The following SETD1A variants were observed in gnomAD, a reference collection of about 807,000 sequenced individuals.
SETD1A encodes the protein SET domain containing 1A, histone lysine methyltransferase.
Under a neutral mutation model 149.9 loss-of-function variants are expected in SETD1A, and 29 were observed. The observed-to-expected ratio is 0.19, with a 90% CI of 0.14 to 0.26. The LOEUF is 0.26. SETD1A is among the 10% of genes least tolerant of loss of function. SETD1A has a pLI of 1.00. For missense variants in SETD1A, 2,109 were observed against 2,353.1 expected (o/e 0.90, Z 2.15); for synonymous variants, 1,141 against 968.5 (o/e 1.18, Z -3.31).
intron 3 of SETD1A, among the ~76,000 whole-genome samples, chr16:30,960,116 C>T (rs112190455): frequency 0.068 from 10,394 of 152,104 alleles, 484 homozygotes; most frequent in Non-Finnish European, 0.11. Context: ...ATTCTCATTG[C>T]CACTTAATGT....
In SETD1A at chr16:30,971,665, G is replaced by A; in HGVS notation, c.3304G>A (p.Gly1102Ser). The change falls in exon 13 of 19, where the codon GGC becomes AGC. Residue 1102 changes from glycine (G) to serine (S), a missense_variant. Gly to Ser is a moderately conservative substitution (Grantham distance 56, BLOSUM62 0). This residue lies in a region of SETD1A where 832 missense variants were observed against 815.6 expected (regional missense o/e 1.02). Coordinates refer to ENST00000262519, the MANE Select transcript of SETD1A (RefSeq NM_014712.3). ...VEVPVPERVA[G>S]SPVTPLPEQE... ...GGTGCCAGTGCCGGAAAGGGTTGCA[G>A]GCTCCCCAGTCACACCCCTGCCCGA... is the stretch of plus-strand genomic sequence containing the variant. 1.2e-6 allele frequency: 2 copies of A among 1,607,586 alleles called. No individual in the cohort carries two copies. Among genetic ancestry groups the A allele is most frequent in the Non-Finnish European group, 1.7e-6 (2 of 1,175,334 alleles).
chr16:30,978,356 G>C (rs2056313752), intron 13 of SETD1A, among the ~76,000 whole-genome samples: 1 of 152,124 alleles, frequency 6.6e-6, no homozygotes, highest in African/African-American at 2.4e-5. Context: ...GGTGTGATTG[G>C]TGTTAGGCAC....
intron 3 of SETD1A, 126 bp downstream of exon 3, chr16:30,959,312 C>T (rs966851056): frequency 2.2e-5 from 16 of 716,578 alleles, no homozygotes; most frequent in East Asian, 1.0e-4. Context: ...ACCTCTGAGG[C>T]TGTGAGACTC....
rs553773220 is a variant in SETD1A, at chr16:30,977,823, C to T, written c.3359-1322C>T. ...CTCCTAGGGCCGGGCCTGGTGCCGGCGGCCCTGTTGGCGCTGAGCGGGGAA... is the reference window on the plus strand; with the variant it reads ...CTCCTAGGGCCGGGCCTGGTGCCGGTGGCCCTGTTGGCGCTGAGCGGGGAA... On this transcript the variant is annotated intron_variant, in intron 13 of 18. Transcript: ENST00000262519. Among the ~76,000 whole-genome samples, 10 of 152,332 alleles carry T rather than the reference C, an allele frequency of 6.6e-5. No individual in the cohort carries two copies. In the South Asian group the frequency reaches 1.0e-3, roughly 16 times the overall value.
In SETD1A at chr16:30,961,544, ACTC is replaced by A. The variant is rs2056052298; in HGVS notation, c.517+11_517+13del. ...GCCCAGCTTGACATCAAAGGTGAGG[ACTC>A]CTCTGCCTGCCACTCAGGCTTGGCC... is the stretch of plus-strand genomic sequence containing the variant. On this transcript the variant is annotated splice_region_variant and intron_variant, in intron 4 of 18. Coordinates refer to ENST00000262519, the MANE Select transcript of SETD1A (RefSeq NM_014712.3). This position sits in a 1 kb window ranked among gnomAD's most constrained non-coding sequence, Gnocchi z 4.0. 1 of 1,611,548 alleles carries A rather than the reference ACTC, an allele frequency of 6.2e-7. No homozygotes were observed. Among genetic ancestry groups the A allele is most frequent in the Non-Finnish European group, 8.5e-7 (1 of 1,179,348 alleles).
chr16:30,961,600 C>A lies in SETD1A; in HGVS notation c.517+63C>A, dbSNP rs1596670923. On this transcript the variant is annotated intron_variant, in intron 4 of 18. Coordinates refer to ENST00000262519, the MANE Select transcript of SETD1A (RefSeq NM_014712.3). The surrounding 1 kb of genome is among the most constrained non-coding windows in gnomAD (Gnocchi z 4.0). ...CAGCGGAGGTTGTACATGCAAATGC[C>A]TGTCAGGGTCAGGCAGGCGCCCAGG... is the stretch of plus-strand genomic sequence containing the variant. 1.3e-6 allele frequency: 2 copies of A among 1,539,540 alleles called. No homozygotes were observed. The highest frequency in any genetic ancestry group is 4.5e-5 in the East Asian group (2 of 44,486).
chr16:30,975,135 A>T (rs1250214201), intron 13 of SETD1A, among the ~76,000 whole-genome samples: 2 of 151,046 alleles, frequency 1.3e-5, no homozygotes, highest in Non-Finnish European at 3.0e-5. Flanking sequence ...TGACAGAGCG[A>T]GACTGTCTCC....
At position 30,980,497 on chromosome 16, in the gene SETD1A, C is replaced by T. The variant is rs1251096923; in HGVS notation, c.4421C>T (p.Thr1474Ile). Residue 1474 changes from threonine (T) to isoleucine (I), a missense_variant, in exon 15 of 19, where the codon ACC becomes ATC. Transcript: ENST00000262519. This position sits in a 1 kb window ranked among gnomAD's most constrained non-coding sequence, Gnocchi z 7.7. ...HWVHHTITNL[T>I]TPKRKRRPQD... ...TAACACCCTGCACTCACCAACCTGA[C>T]CACCCCAAAACGCAAGCGGCGGCCC... The T allele has an allele frequency of 1.2e-6, 2 of 1,613,494 alleles. No individual in the cohort carries two copies. The highest frequency in any genetic ancestry group is 1.1e-5 in the South Asian group (1 of 90,990).
Position 30,969,370 on chromosome 16 carries a change from G to C in SETD1A, c.2836G>C (p.Glu946Gln). The change falls in exon 11 of 19, where the codon GAA (glutamate) becomes CAA (glutamine). Residue 946 changes from glutamate (E) to glutamine (Q), a missense_variant. Glu to Gln is a conservative substitution (Grantham distance 29). Around this residue, in one of 8 missense-constraint regions of SETD1A, gnomAD observed 832 missense variants for 815.6 expected, o/e 1.02. Coordinates refer to ENST00000262519, the MANE Select transcript of SETD1A (RefSeq NM_014712.3). ...RPGTKPPKRD[E>Q]ERGKTQGKHR... is the part of the protein sequence containing the mutation. ...GGGGACCAAGCCCCCGAAGCGGGAC[G>C]AAGAGCGAGGCAAGACCCAGGGCAA... 7 of 1,614,206 alleles carry C rather than the reference G, an allele frequency of 4.3e-6. No individual in the cohort carries two copies. The highest frequency in any genetic ancestry group is 5.9e-6 in the Non-Finnish European group (7 of 1,180,034).
chr16:30,979,994 C>CCCA lies in SETD1A; in HGVS notation c.4208_4209insCCA (p.Pro1403_Pro1404insHis). On this transcript the variant is annotated inframe_insertion, in exon 14 of 19. Transcript: ENST00000262519. ...CGCTCCCACGCCCGGCGCCGCCGCC[C>CCCA]TCCGCCCCCACCCCCGCCGCCACCG... is the stretch of plus-strand genomic sequence containing the variant. 5.4e-6 allele frequency: 8 copies of CCCA among 1,486,988 alleles called. No homozygotes were observed. The highest frequency in any genetic ancestry group is 7.1e-6 in the Non-Finnish European group (8 of 1,121,852). 92.1% of individuals were successfully genotyped at this position (1,486,988 alleles called of 1,614,324 possible).
chr16:30,965,473 G>T lies in SETD1A; in HGVS notation c.1719+12G>T. 1.3e-6 allele frequency: 2 copies of T among 1,587,752 alleles called. No homozygotes were observed. The highest frequency in any genetic ancestry group is 2.3e-5 in the South Asian group (2 of 88,652). On this transcript the variant is annotated intron_variant, in intron 7 of 18. Coordinates refer to ENST00000262519, the MANE Select transcript of SETD1A (RefSeq NM_014712.3). ...ATGGACAGAACCAGGTGAGGTTGGGGTCAGCCAGAGGAGGCACCTGGGCTC... is the reference window on the plus strand; with the variant it reads ...ATGGACAGAACCAGGTGAGGTTGGGTTCAGCCAGAGGAGGCACCTGGGCTC...
At chr16:30,974,767 G>T (rs980382114) in intron 13 of SETD1A, among the ~76,000 whole-genome samples, 1 of 152,084 alleles carries the variant, frequency 6.6e-6, no homozygotes, top group Non-Finnish European at 1.5e-5. Context: ...AGCACTTTGG[G>T]AGGCTGAGGT....
chr16:30,978,245 A>C (rs567787607), intron 13 of SETD1A, among the ~76,000 whole-genome samples: 1 of 141,134 alleles, frequency 7.1e-6, no homozygotes, highest in Non-Finnish European at 1.5e-5. Flanking sequence ...CTGCACTCCC[A>C]CCTGGCGACA....
At chr16:30,970,621 T>C (rs1038851756) in intron 12 of SETD1A, among the ~76,000 whole-genome samples, 9 of 152,156 alleles carry the variant, frequency 5.9e-5, no homozygotes, top group Admixed American at 1.3e-4. Flanking sequence ...CTTCTCCCTC[T>C]GTTCCAGTCC....
At chr16:30,966,739 C>T (rs752782733) in intron 8 of SETD1A, 145 bp from the exon 9 acceptor site, 1 of 934,890 alleles carries the variant, frequency 1.1e-6, no homozygotes, top group Non-Finnish European at 1.5e-6. Context: ...TGAGAAAATG[C>T]CGTGCGGGGG....
At chr16:30,959,229 T>A (rs773823289) in intron 3 of SETD1A, 43 bp downstream of exon 3, 3 of 1,252,620 alleles carry the variant, frequency 2.4e-6, no homozygotes, top group Admixed American at 3.4e-5. Flanking sequence ...CCTAAGAGGG[T>A]GTGGAGGATG....
At position 30,984,125 on chromosome 16, in the gene SETD1A, C is replaced by T. The variant is rs1330983306; in HGVS notation, c.*102C>T. 6 of 1,138,846 alleles carry T rather than the reference C, an allele frequency of 5.3e-6. No homozygotes were observed. Among genetic ancestry groups the T allele is most frequent in the African/African-American group, 1.6e-5 (1 of 63,966 alleles). The allele number at this position is 1,138,846 out of a possible 1,614,324, so 70.5% of individuals were successfully genotyped here. On this transcript the variant is annotated 3_prime_UTR_variant, in exon 19 of 19. Coordinates refer to ENST00000262519, the MANE Select transcript of SETD1A (RefSeq NM_014712.3). ...GTGGGCTCAGCAGGGCCCACATGCC[C>T]CCATCTCCAAGCGTGGGGTTGGGGG... is the stretch of plus-strand genomic sequence containing the variant.
At chr16:30,960,315 C>T (rs1026575454) in intron 3 of SETD1A, among the ~76,000 whole-genome samples, 2 of 152,188 alleles carry the variant, frequency 1.3e-5, no homozygotes, top group African/African-American at 2.4e-5. Flanking sequence ...GCCTTGACAC[C>T]ACACCCCTGT....
At chr16:30,963,306 A>C in intron 4 of SETD1A, 127 bp from the exon 5 acceptor site, 1 of 810,034 alleles carries the variant, frequency 1.2e-6, no homozygotes, top group South Asian at 2.0e-5. Flanking sequence ...TGGTAGGAGA[A>C]CTGAAATCCT....
Sources: allele counts gnomAD v4.1 joint callset (sites outside exome capture counted in the v4.1 genomes callset), GRCh38; gene constraint gnomAD v4.1.1; regional missense constraint gnomAD v4.1.1; non-coding constraint Gnocchi (gnomAD v3.1); transcripts MANE v1.5; gene names NCBI Gene and HGNC (gene_info 2026-07-23, HGNC 2026-07-21).